Variants in SPEG observed in about 807,000 individuals in gnomAD.
SPEG encodes the protein striated muscle enriched protein kinase.
Under a neutral mutation model 300.4 loss-of-function variants are expected in SPEG, and 114 were observed. The ratio of observed to expected loss-of-function variants is 0.38; its 90% confidence interval spans 0.33 to 0.44. The LOEUF is 0.44. Ranked by LOEUF, SPEG falls within the 20% of genes least tolerant of loss-of-function variation. The pLI is 1.00. For synonymous variants in SPEG, 1,964 were observed against 2,018.9 expected (o/e 0.97, Z 0.73); for missense variants, 4,201 against 4,586.2 (o/e 0.92, Z 2.43).
At position 219,477,222 on chromosome 2, in the gene SPEG, C is replaced by T; in HGVS notation, c.4561-55C>T. 4.5e-6 allele frequency: 7 copies of T among 1,554,780 alleles called. No homozygotes were observed. The highest frequency in any genetic ancestry group is 4.3e-6 in the Non-Finnish European group (5 of 1,153,352). Reference sequence around the variant, plus strand: ...CCCAGAGTAGGAGATGAGGCCCTGGCCCCAAGGTAGAGATGAGGCCAGGCC... The same window carrying T: ...CCCAGAGTAGGAGATGAGGCCCTGGTCCCAAGGTAGAGATGAGGCCAGGCC... On this transcript the variant is annotated intron_variant, in intron 19 of 40. Transcript: ENST00000312358. The surrounding 1 kb of genome is among the most constrained non-coding windows in gnomAD (Gnocchi z 6.4).
At position 219,488,573 on chromosome 2, in the gene SPEG, C is replaced by G; in HGVS notation, c.7934C>G (p.Pro2645Arg). Reference protein sequence around the residue: ...CKDGRQLLSIPRAGKRHAGLY... With the variant: ...CKDGRQLLSIRRAGKRHAGLY... ...GATGGGCGGCAGCTGCTCAGCATCC[C>G]CCGGGCGGGCAAGCGGCACGCCGGT... is the stretch of plus-strand genomic sequence containing the variant. The change falls in exon 33 of 41, where the codon CCC (proline) becomes CGC (arginine). Residue 2645 changes from proline (P) to arginine (R), a missense_variant. Pro to Arg is a moderately radical substitution (Grantham distance 103). Transcript: ENST00000312358. 1 of 1,612,036 alleles carries G rather than the reference C, an allele frequency of 6.2e-7. No homozygotes were observed. Among genetic ancestry groups the G allele is most frequent in the Non-Finnish European group, 8.5e-7 (1 of 1,179,310 alleles).
rs375637468 is a variant in SPEG at position 219,467,403 on chromosome 2, C to A, written c.3111C>A (p.Gly1037=). Residue 1037 remains glycine (G), a synonymous_variant, in exon 10 of 41, where the codon GGC becomes GGA. Transcript: ENST00000312358. ...LLTSVHEDDS[G]VYTCKLSTAK... is the part of the protein sequence containing the mutation. ...CATCTGTACATGAGGACGACAGTGG[C>A]GTCTACACCTGCAAGCTCAGCACGG... 1 of 1,610,780 alleles carries A rather than the reference C, an allele frequency of 6.2e-7. No individual in the cohort carries two copies. Among genetic ancestry groups the A allele is most frequent in the Non-Finnish European group, 8.5e-7 (1 of 1,179,026 alleles).
chr2:219,484,182 T>A lies in SPEG; in HGVS notation c.6719T>A (p.Leu2240Gln). ...PPPQALQTLA[L>Q]PLTPYAQIIQ... ...CCCCAGGCCCTGCAAACCCTAGCGC[T>A]GCCCCTCACACCCTATGCTCAGATC... The change falls in exon 30 of 41, where the codon CTG becomes CAG. Residue 2240 changes from leucine (L) to glutamine (Q), a missense_variant. This residue lies in a region of SPEG where 1,578 missense variants were observed against 1,506.0 expected (regional missense o/e 1.05). Coordinates refer to ENST00000312358, the MANE Select transcript of SPEG (RefSeq NM_005876.5). 1 of 1,611,018 alleles carries A rather than the reference T, an allele frequency of 6.2e-7. No individual in the cohort carries two copies. Among genetic ancestry groups the A allele is most frequent in the Non-Finnish European group, 8.5e-7 (1 of 1,179,394 alleles).
At position 219,443,982 on chromosome 2, in the gene SPEG, A is replaced by G. The variant is rs1689097643; in HGVS notation, c.389-671A>G. ...CATGCCCTGCCCCACAAACGCTCTG[A>G]TAACAGTCTGTCCCTGTCTCTCTCC... is the stretch of plus-strand genomic sequence containing the variant. On this transcript the variant is annotated intron_variant, in intron 1 of 40. Coordinates refer to ENST00000312358, the MANE Select transcript of SPEG (RefSeq NM_005876.5). The surrounding 1 kb of genome is among the most constrained non-coding windows in gnomAD (Gnocchi z 4.6). 13 of 1,356,146 alleles carry G rather than the reference A, an allele frequency of 9.6e-6. No individual in the cohort carries two copies. Among genetic ancestry groups the G allele is most frequent in the African/African-American group, 3.0e-5 (2 of 67,554 alleles). The allele number at this position is 1,356,146 out of a possible 1,614,324, so 84.0% of individuals were successfully genotyped here. A position where few individuals can be genotyped will look rare whatever the true frequency, so the allele number is the denominator to read the frequency against.
Position 219,465,934 on chromosome 2 carries a change from CGT to C in SPEG, c.2882-1238_2882-1237del, listed in dbSNP as rs1559391042. ...ATGCGTGTGTGTGTGCGCGCGTGTGCGTGCACGTGTGCGTGCATGTGTGCGTG... is the reference window on the plus strand; with the variant it reads ...ATGCGTGTGTGTGTGCGCGCGTGTGCGCACGTGTGCGTGCATGTGTGCGTG... On this transcript the variant is annotated intron_variant, in intron 9 of 40. Coordinates refer to ENST00000312358, the MANE Select transcript of SPEG (RefSeq NM_005876.5). 1,514 of 626,030 alleles carry C rather than the reference CGT, an allele frequency of 2.4e-3. 24 individuals carry two copies. In the East Asian group the frequency reaches 0.04, roughly 16 times the overall value. The allele number at this position is 626,030 out of a possible 1,614,324, so 38.8% of individuals were successfully genotyped here.
chr2:219,447,495 A>G (rs1689395529), intron 3 of SPEG, among the ~76,000 whole-genome samples: 1 of 151,624 alleles, frequency 6.6e-6, no homozygotes, highest in Admixed American at 6.6e-5. Flanking sequence ...AGGGACCACT[A>G]GGAAGGGGTG....
intron 6 of SPEG, among the ~76,000 whole-genome samples, chr2:219,456,766 G>T (rs1247587805): frequency 2.0e-5 from 3 of 151,988 alleles, no homozygotes; most frequent in African/African-American, 7.3e-5. Context: ...AAAATTAGCC[G>T]GGTGTGGTGA....
chr2:219,454,987 T>C (rs1353915862), intron 6 of SPEG, among the ~76,000 whole-genome samples: 2 of 152,110 alleles, frequency 1.3e-5, no homozygotes, highest in African/African-American at 4.8e-5. Flanking sequence ...CCAGCTACTC[T>C]GGGGGCTGAA....
intron 9 of SPEG, chr2:219,465,385 C>A: frequency 6.5e-6 from 1 of 154,104 alleles, no homozygotes. Flanking sequence ...AGCTCAGACC[C>A]TGACAGTCAT....
intron 6 of SPEG, chr2:219,460,268 A>G: frequency 1.0e-6 from 1 of 979,560 alleles, no homozygotes; most frequent in South Asian, 4.7e-5. Context: ...ACCTCTGTGA[A>G]GGAGGGCAAA....
rs758528441 is a variant in SPEG at position 219,444,083 on chromosome 2, GC to G, written c.389-564del. The G allele has an allele frequency of 1.5e-6, 2 of 1,360,214 alleles. No individual in the cohort carries two copies. Among genetic ancestry groups the G allele is most frequent in the East Asian group, 9.2e-5 (2 of 21,766 alleles). 84.3% of individuals were successfully genotyped at this position (1,360,214 alleles called of 1,614,324 possible). On this transcript the variant is annotated intron_variant, in intron 1 of 40. Coordinates refer to ENST00000312358, the MANE Select transcript of SPEG (RefSeq NM_005876.5). The surrounding 1 kb of genome is among the most constrained non-coding windows in gnomAD (Gnocchi z 7.8). ...CGGTAGGAAACTGGCTCCTGCTCTA[GC>G]CCCCCGCATCCCCCCCTTTCCCACC...
At chr2:219,452,162 C>A (rs1205894642) in intron 6 of SPEG, among the ~76,000 whole-genome samples, 3 of 152,202 alleles carry the variant, frequency 2.0e-5, no homozygotes, top group African/African-American at 7.2e-5. Context: ...AAGAATCTCT[C>A]CGCTCACAGG....
At position 219,491,838 on chromosome 2, in the gene SPEG, A is replaced by T; in HGVS notation, c.9430A>T (p.Ile3144Phe). The T allele has an allele frequency of 6.2e-7, 1 of 1,612,434 alleles. No homozygotes were observed. The highest frequency in any genetic ancestry group is 8.5e-7 in the Non-Finnish European group (1 of 1,179,338). The change falls in exon 39 of 41, where the codon ATC (isoleucine) becomes TTC (phenylalanine). Residue 3144 changes from isoleucine to phenylalanine, a missense_variant. This residue lies in a region of SPEG where 318 missense variants were observed against 429.5 expected (regional missense o/e 0.74). Transcript: ENST00000312358. ...AGAACCCATCGGCTCTGCCACGGACATCTGGGGAGCGGGTGTGCTCACTTA... is the reference window on the plus strand; with the variant it reads ...AGAACCCATCGGCTCTGCCACGGACTTCTGGGGAGCGGGTGTGCTCACTTA... ...KGEPIGSATD[I>F]WGAGVLTYIM...
At position 219,451,936 on chromosome 2, in the gene SPEG, T is replaced by C. The variant is rs1363506978; in HGVS notation, c.2440+129T>C. The C allele has an allele frequency of 1.0e-5, 10 of 967,890 alleles. No homozygotes were observed. The highest frequency in any genetic ancestry group is 1.5e-5 in the Non-Finnish European group (10 of 685,226). The allele number at this position is 967,890 out of a possible 1,614,324, so 60.0% of individuals were successfully genotyped here. On this transcript the variant is annotated intron_variant, in intron 6 of 40. Coordinates refer to ENST00000312358, the MANE Select transcript of SPEG (RefSeq NM_005876.5). The surrounding 1 kb of genome is among the most constrained non-coding windows in gnomAD (Gnocchi z 6.4). ...GCACCCCGCCAGCATACTTAGTCCA[T>C]GCAGTCCCTTCTGGGTGTCGGCAGC...
intron 9 of SPEG, chr2:219,465,994 CGT>C: frequency 7.1e-7 from 1 of 1,412,242 alleles, no homozygotes; most frequent in Non-Finnish European, 9.9e-7. Context: ...TGTGTGTGCG[CGT>C]GCGTGCGCGT....
chr2:219,486,177 C>G (rs895764087), intron 31 of SPEG, among the ~76,000 whole-genome samples: 1 of 152,266 alleles, frequency 6.6e-6, no homozygotes, highest in African/African-American at 2.4e-5. Flanking sequence ...GTTTCTCTGC[C>G]TGAGTGTCCT....
Position 219,473,556 on chromosome 2 carries a change from TG to T in SPEG, c.4201del (p.Val1401TrpfsTer30). On this transcript the variant is annotated frameshift_variant, in exon 17 of 41. Transcript: ENST00000312358. LOFTEE classifies it high-confidence loss of function. This position sits in a 1 kb window ranked among gnomAD's most constrained non-coding sequence, Gnocchi z 4.6. ...TGCTGGACAAACCAGACATCGTGTATGTGGTGGAGGGACAGCCTGCCAGCGT... is the reference window on the plus strand; with the variant it reads ...TGCTGGACAAACCAGACATCGTGTATTGGTGGAGGGACAGCCTGCCAGCGT... ...AMLDKPDIVY[V>X]VEGQPASVTV... 1 of 1,614,126 alleles carries T rather than the reference TG, an allele frequency of 6.2e-7. No homozygotes were observed. The highest frequency in any genetic ancestry group is 8.5e-7 in the Non-Finnish European group (1 of 1,180,026).
chr2:219,489,032 C>A, intron 34 of SPEG, 22 bp from the exon 35 acceptor site: 1 of 1,612,316 alleles, frequency 6.2e-7, no homozygotes, highest in South Asian at 1.1e-5. Context: ...TGACCTCAGC[C>A]CCTCCCCCAT....
At chr2:219,460,213 GA>G (rs1388705584) in intron 6 of SPEG, 1 of 736,922 alleles carries the variant, frequency 1.4e-6, no homozygotes, top group Non-Finnish European at 1.7e-6. Flanking sequence ...TGGCAGGGAT[GA>G]GGGGGCAGAG....
Sources: allele counts gnomAD v4.1 joint callset (sites outside exome capture counted in the v4.1 genomes callset), GRCh38; gene constraint gnomAD v4.1.1; regional missense constraint gnomAD v4.1.1; non-coding constraint Gnocchi (gnomAD v3.1); transcripts MANE v1.5; gene names NCBI Gene and HGNC (gene_info 2026-07-23, HGNC 2026-07-21).